Variants in TP63 observed in about 807,000 individuals in gnomAD.
TP63 encodes the protein tumor protein 63.
Under a neutral mutation model 82.8 loss-of-function variants are expected in TP63, and 17 were observed. The observed-to-expected ratio is 0.21, with a 90% CI of 0.14 to 0.31. The LOEUF is 0.31. Among genes scored for constraint, TP63 ranks in the 10% least tolerant of loss-of-function variants. The probability of loss-of-function intolerance (pLI) is 1.00; values close to 1 mark genes in which losing one functional copy is unlikely to be tolerated. For synonymous variants in TP63, 330 were observed against 321.7 expected (o/e 1.03, Z -0.28); for missense variants, 648 against 895.3 (o/e 0.72, Z 3.52).
intron 10 of TP63, among the ~76,000 whole-genome samples, chr3:189,875,611 T>TATATATATATATATATACACAC (rs1553859679): frequency 0.013 from 970 of 76,966 alleles, 47 homozygotes; most frequent in Non-Finnish European, 0.022. Context: ...TATATATATA[T>TATATATATATATATATACACAC]ATATATATAT....
intron 3 of TP63, chr3:189,789,783 A>T (rs564810553): frequency 3.8e-6 from 6 of 1,590,862 alleles, no homozygotes; most frequent in Non-Finnish European, 5.1e-6. Flanking sequence ...AGCAGCATTG[A>T]TCAATCTTAC....
At chr3:189,767,335 G>A (rs564142014) in intron 3 of TP63, among the ~76,000 whole-genome samples, 1 of 152,168 alleles carries the variant, frequency 6.6e-6, no homozygotes, top group South Asian at 2.1e-4. Context: ...TCTTGTTGTT[G>A]TGTATAGGTA....
intron 3 of TP63, among the ~76,000 whole-genome samples, chr3:189,788,343 C>T (rs1724783917): frequency 1.3e-5 from 2 of 151,984 alleles, no homozygotes; most frequent in Non-Finnish European, 2.9e-5. Flanking sequence ...CCACGTCATC[C>T]TTTAAGTGCA....
At chr3:189,679,260 G>A (rs1715708394) in intron 1 of TP63, among the ~76,000 whole-genome samples, 1 of 151,908 alleles carries the variant, frequency 6.6e-6, no homozygotes, top group Non-Finnish European at 1.5e-5. Context: ...CCAACAATAG[G>A]TTTGCTTTTC....
chr3:189,810,420 A>G (rs1198285012), intron 4 of TP63, among the ~76,000 whole-genome samples: 2 of 152,200 alleles, frequency 1.3e-5, no homozygotes, highest in African/African-American at 2.4e-5. Flanking sequence ...GTCTGATGAG[A>G]TGATGGGCAT....
intron 1 of TP63, among the ~76,000 whole-genome samples, chr3:189,668,023 A>G (rs1714555567): frequency 6.6e-6 from 1 of 152,122 alleles, no homozygotes; most frequent in Non-Finnish European, 1.5e-5. Flanking sequence ...ACACCTCCTT[A>G]TTAAAGCGTA....
chr3:189,690,097 C>T (rs1224459334), intron 1 of TP63, among the ~76,000 whole-genome samples: 1 of 145,758 alleles, frequency 6.9e-6, no homozygotes, highest in Non-Finnish European at 1.5e-5. Context: ...TCATACTCAG[C>T]TACTTGCTAG....
intron 1 of TP63, among the ~76,000 whole-genome samples, chr3:189,669,362 A>T (rs1446151294): frequency 6.6e-6 from 1 of 152,054 alleles, no homozygotes; most frequent in Non-Finnish European, 1.5e-5. Flanking sequence ...ACTACAAAAA[A>T]AAAAAAGAAA....
rs143675370 is a variant in TP63 at position 189,858,497 on chromosome 3, G to T, written c.580-5735G>T. Among the ~76,000 whole-genome samples, 423 of 152,218 alleles carry T rather than the reference G, an allele frequency of 2.8e-3. 2 individuals are homozygous for T. Among genetic ancestry groups the T allele is most frequent in the African/African-American group, 9.7e-3 (405 of 41,544 alleles). ...AAAAACATAATGAAATCCTGAGGTTGGGCATAGTGGCTCATGCCTGTAATC... is the reference window on the plus strand; with the variant it reads ...AAAAACATAATGAAATCCTGAGGTTTGGCATAGTGGCTCATGCCTGTAATC... On this transcript the variant is annotated intron_variant, in intron 4 of 13. Coordinates refer to ENST00000264731, the MANE Select transcript of TP63 (RefSeq NM_003722.5).
At chr3:189,765,785 G>T (rs977118292) in intron 3 of TP63, among the ~76,000 whole-genome samples, 1 of 152,086 alleles carries the variant, frequency 6.6e-6, no homozygotes, top group Non-Finnish European at 1.5e-5. Context: ...CACTGGCCTA[G>T]GAGCCAGGAG....
intron 1 of TP63, among the ~76,000 whole-genome samples, chr3:189,692,534 A>T (rs1017619352): frequency 6.6e-6 from 1 of 152,166 alleles, no homozygotes; most frequent in Non-Finnish European, 1.5e-5. Flanking sequence ...AATAGGCAGT[A>T]ATCACAGTGA....
At chr3:189,669,499 C>T (rs964242899) in intron 1 of TP63, among the ~76,000 whole-genome samples, 1 of 151,928 alleles carries the variant, frequency 6.6e-6, no homozygotes, top group Non-Finnish European at 1.5e-5. Flanking sequence ...TTTTGTTTCT[C>T]GAATTTTCCT....
At chr3:189,680,805 A>G (rs1715841702) in intron 1 of TP63, among the ~76,000 whole-genome samples, 1 of 152,128 alleles carries the variant, frequency 6.6e-6, no homozygotes, top group Non-Finnish European at 1.5e-5. Context: ...AAGCCTAGGT[A>G]CAAGGGGTCC....
chr3:189,634,460 T>C (rs1030932266), intron 1 of TP63, among the ~76,000 whole-genome samples: 2 of 103,708 alleles, frequency 1.9e-5, no homozygotes, highest in Non-Finnish European at 4.0e-5. Flanking sequence ...TAAGTTAAAA[T>C]TGGGACTTCA....
intron 3 of TP63, among the ~76,000 whole-genome samples, chr3:189,754,138 A>C (rs1722014316): frequency 6.6e-6 from 1 of 152,190 alleles, no homozygotes; most frequent in South Asian, 2.1e-4. Context: ...ATCAGCAAGA[A>C]GAATAGAGAA....
intron 1 of TP63, among the ~76,000 whole-genome samples, chr3:189,720,947 G>C (rs1719343981): frequency 6.6e-6 from 1 of 152,174 alleles, no homozygotes; most frequent in Admixed American, 6.5e-5. Context: ...GACAGCTGGA[G>C]GGGTGAGGCC....
intron 1 of TP63, among the ~76,000 whole-genome samples, chr3:189,675,654 A>G (rs1233687657): frequency 6.6e-6 from 1 of 152,078 alleles, no homozygotes; most frequent in African/African-American, 2.4e-5. Context: ...ATCAATGTTG[A>G]CTCATAAATA....
chr3:189,671,133 C>T lies in TP63; in HGVS notation c.62+39556C>T, dbSNP rs543796374. On this transcript the variant is annotated intron_variant, in intron 1 of 13. Coordinates refer to ENST00000264731, the MANE Select transcript of TP63 (RefSeq NM_003722.5). ...AGAAAATGTTTGGAAAGTATACATCCGATAAATGATTAATATCCAGAATAT... is the reference window on the plus strand; with the variant it reads ...AGAAAATGTTTGGAAAGTATACATCTGATAAATGATTAATATCCAGAATAT... 4.2e-4 allele frequency among the ~76,000 whole-genome samples: 63 copies of T among 151,806 alleles called. No homozygotes were observed. In the South Asian group the frequency reaches 6.0e-3, roughly 15 times the overall value.
intron 3 of TP63, among the ~76,000 whole-genome samples, chr3:189,747,227 A>G (rs776561755): frequency 1.8e-4 from 27 of 152,092 alleles, no homozygotes; most frequent in Non-Finnish European, 3.4e-4. Flanking sequence ...CTGGATTTGA[A>G]CTGCACATTA....
Sources: gnomAD v4.1 joint callset for allele counts (sites outside exome capture counted in the v4.1 genomes callset) on GRCh38, gnomAD v4.1.1 for gene constraint, MANE v1.5 for transcripts, NCBI Gene and HGNC (gene_info 2026-07-23, HGNC 2026-07-21) for gene names.